Variants in ADAMTSL1 observed in about 807,000 individuals in gnomAD.
ADAMTSL1 encodes the protein ADAMTS like 1, also known as ADAMTS-like protein 1.
ADAMTSL1 carries 126 observed loss-of-function variants against 201.8 expected under a neutral mutation model. The observed-to-expected ratio is 0.62, with a 90% CI of 0.54 to 0.72. ADAMTSL1 has a LOEUF of 0.72. ADAMTSL1 is among the 30% of genes least tolerant of loss of function. The pLI, the probability that ADAMTSL1 is intolerant of heterozygous loss-of-function variation, is 0.00. For synonymous variants in ADAMTSL1, 1,121 were observed against 903.4 expected (o/e 1.24, Z -4.32); for missense variants, 2,679 against 2,277.8 (o/e 1.18, Z -3.59).
At chr9:18,168,149 A>G (rs1415819171) in intron 2 of ADAMTSL1, among the ~76,000 whole-genome samples, 1 of 151,936 alleles carries the variant, frequency 6.6e-6, no homozygotes, top group East Asian at 1.9e-4. Context: ...GTTTTAGGAT[A>G]CATGTGCACA....
At chr9:18,225,972 G>T (rs2132383634) in intron 2 of ADAMTSL1, among the ~76,000 whole-genome samples, 1 of 152,128 alleles carries the variant, frequency 6.6e-6, no homozygotes, top group Admixed American at 6.6e-5. Flanking sequence ...GTAGGTGGGT[G>T]CTGGTTTCAT....
At chr9:18,017,140 C>G (rs1391303756) in intron 1 of ADAMTSL1, among the ~76,000 whole-genome samples, 2 of 152,046 alleles carry the variant, frequency 1.3e-5, no homozygotes, top group African/African-American at 4.8e-5. Flanking sequence ...TTTTCCATCT[C>G]TACTATAGCA....
At chr9:18,098,247 A>G (rs1246254522) in intron 1 of ADAMTSL1, among the ~76,000 whole-genome samples, 1 of 152,128 alleles carries the variant, frequency 6.6e-6, no homozygotes, top group East Asian at 1.9e-4. Flanking sequence ...AGTTTAACTT[A>G]TCCAACTTTG....
intron 16 of ADAMTSL1, among the ~76,000 whole-genome samples, chr9:18,760,028 A>G (rs1324263471): frequency 6.6e-6 from 1 of 152,108 alleles, no homozygotes; most frequent in Non-Finnish European, 1.5e-5. Context: ...TCAGTCTCAC[A>G]TGTTTCTAAG....
intron 1 of ADAMTSL1, among the ~76,000 whole-genome samples, chr9:17,991,049 G>C (rs2772694): frequency 1 from 152,211 of 152,312 alleles, 76,055 homozygotes; most frequent in Non-Finnish European, 1. Flanking sequence ...TTTTTCAAGA[G>C]TTAGTTCTAG....
chr9:18,471,661 T>G (rs183316656), upstream of ADAMTSL1, among the ~76,000 whole-genome samples: 1 of 152,320 alleles, frequency 6.6e-6, no homozygotes, highest in East Asian at 1.9e-4. Context: ...CTTTTCCTAG[T>G]TTCTCTGGGT....
At chr9:18,516,071 C>G (rs1004912338) in intron 2 of ADAMTSL1, among the ~76,000 whole-genome samples, 9 of 145,642 alleles carry the variant, frequency 6.2e-5, no homozygotes, top group African/African-American at 2.0e-4. Flanking sequence ...TCCAGCTCCT[C>G]CCTCACCTCA....
intron 1 of ADAMTSL1, among the ~76,000 whole-genome samples, chr9:18,110,866 C>T (rs1018230344): frequency 4.6e-5 from 7 of 152,134 alleles, no homozygotes; most frequent in African/African-American, 7.2e-5. Context: ...TCAACTGAAC[C>T]ACCCCTCCCA....
intron 5 of ADAMTSL1, among the ~76,000 whole-genome samples, chr9:18,633,522 G>A (rs1826910341): frequency 6.6e-6 from 1 of 152,028 alleles, no homozygotes; most frequent in Non-Finnish European, 1.5e-5. Flanking sequence ...CCAGGGGGCG[G>A]AGGTTGCAGT....
intron 2 of ADAMTSL1, among the ~76,000 whole-genome samples, chr9:18,208,557 C>A (rs914145505): frequency 6.6e-6 from 1 of 152,084 alleles, no homozygotes; most frequent in Non-Finnish European, 1.5e-5. Flanking sequence ...ACACCAGGCA[C>A]AGTTTTAAGC....
chr9:18,168,088 A>G (rs1827715070), intron 2 of ADAMTSL1, among the ~76,000 whole-genome samples: 1 of 151,912 alleles, frequency 6.6e-6, no homozygotes, highest in Non-Finnish European at 1.5e-5. Flanking sequence ...AGCTTTATTG[A>G]TTAGTGACCA....
intron 4 of ADAMTSL1, among the ~76,000 whole-genome samples, chr9:18,606,018 C>T (rs1359498107): frequency 2.0e-5 from 3 of 152,100 alleles, no homozygotes; most frequent in African/African-American, 7.2e-5. Context: ...ACCAAAAGTT[C>T]ACATTGGGGT....
At chr9:18,461,840 C>T (rs577671663) in intron 2 of ADAMTSL1, among the ~76,000 whole-genome samples, 3 of 152,148 alleles carry the variant, frequency 2.0e-5, no homozygotes, top group Admixed American at 6.6e-5. Flanking sequence ...TATCCTTTGA[C>T]ATACATGGGG....
At chr9:18,511,981 T>G (rs1194842226) in intron 2 of ADAMTSL1, among the ~76,000 whole-genome samples, 1 of 152,172 alleles carries the variant, frequency 6.6e-6, no homozygotes, top group African/African-American at 2.4e-5. Flanking sequence ...CTTCATCTGG[T>G]GTTATATGTT....
intron 3 of ADAMTSL1, among the ~76,000 whole-genome samples, chr9:18,566,172 G>T (rs918732545): frequency 6.6e-6 from 1 of 152,118 alleles, no homozygotes; most frequent in Admixed American, 6.5e-5. Context: ...AAAAAAATTA[G>T]ATATTCCATC....
chr9:18,282,643 A>T (rs539874701), intron 2 of ADAMTSL1, among the ~76,000 whole-genome samples: 2 of 152,304 alleles, frequency 1.3e-5, no homozygotes, highest in South Asian at 4.1e-4. Context: ...CACGCCTGTA[A>T]TCCTAGCACT....
chr9:18,515,200 C>T (rs188580069), intron 2 of ADAMTSL1, among the ~76,000 whole-genome samples: 1 of 152,224 alleles, frequency 6.6e-6, no homozygotes, highest in Admixed American at 6.5e-5. Flanking sequence ...TTTCAAAGCT[C>T]TCCAAATGAT....
chr9:18,198,853 C>T (rs1484163440), intron 2 of ADAMTSL1, among the ~76,000 whole-genome samples: 1 of 144,174 alleles, frequency 6.9e-6, no homozygotes, highest in African/African-American at 2.6e-5. Flanking sequence ...AGACTTGGAA[C>T]CAACCCAAAT....
chr9:18,402,017 G>A (rs1818006795), intron 2 of ADAMTSL1, among the ~76,000 whole-genome samples: 1 of 152,152 alleles, frequency 6.6e-6, no homozygotes, highest in South Asian at 2.1e-4. Context: ...TTTCTTGTGA[G>A]CTATCTGGTG....
Sources: gnomAD v4.1 joint callset for allele counts (sites outside exome capture counted in the v4.1 genomes callset) on GRCh38, gnomAD v4.1.1 for gene constraint, MANE v1.5 for transcripts, NCBI Gene and HGNC (gene_info 2026-07-23, HGNC 2026-07-21) for gene names.